Variants in PTPN11 observed in about 807,000 individuals in gnomAD.
PTPN11 encodes the protein protein tyrosine phosphatase non-receptor type 11.
Under a neutral mutation model 78.8 loss-of-function variants are expected in PTPN11, and 6 were observed. That is an observed-to-expected ratio of 0.08 (90% confidence interval 0.04 to 0.15). The LOEUF is 0.15. Among genes scored for constraint, PTPN11 ranks in the 10% least tolerant of loss-of-function variants. The probability of loss-of-function intolerance (pLI) is 1.00; values close to 1 mark genes in which losing one functional copy is unlikely to be tolerated. For synonymous variants in PTPN11, 221 were observed against 263.5 expected, an observed-to-expected ratio of 0.84 and a Z score of 1.56; for missense variants, 386 against 744.8, an observed-to-expected ratio of 0.52 and a Z score of 5.61.
At chr12:112,469,037 C>G (rs924330550) in intron 6 of PTPN11, among the ~76,000 whole-genome samples, 2 of 152,102 alleles carry the variant, frequency 1.3e-5, no homozygotes, top group African/African-American at 4.8e-5. Flanking sequence ...GCATTCCAGC[C>G]TGGGTGAGAG....
At chr12:112,429,808 A>T (rs1313831133) in intron 1 of PTPN11, among the ~76,000 whole-genome samples, 1 of 151,206 alleles carries the variant, frequency 6.6e-6, no homozygotes, top group Non-Finnish European at 1.5e-5. Context: ...GTCTCAAAAA[A>T]AAAAACAACA....
Position 112,509,281 on chromosome 12 carries a change from G to T in PTPN11, c.*3489G>T, listed in dbSNP as rs1245555047. On this transcript the variant is annotated 3_prime_UTR_variant, in exon 16 of 16. Coordinates refer to ENST00000351677, the MANE Select transcript of PTPN11 (RefSeq NM_002834.5). The stretch of plus-strand genomic sequence containing the variant: ...TAAAAATTTGTTCCTTTTTCACTAT[G>T]GGCAGTTCACACAAGGCAAAAACTA... 3 of 152,206 alleles carry T rather than the reference G, an allele frequency of 2.0e-5. No individual in the cohort carries two copies. The highest frequency in any genetic ancestry group is 4.4e-5 in the Non-Finnish European group (3 of 68,030). The allele number at this position is 152,206 out of a possible 1,614,324, so 9.4% of individuals were successfully genotyped here.
At chr12:112,456,792 T>C (rs1225984201) in intron 6 of PTPN11, among the ~76,000 whole-genome samples, 2 of 152,096 alleles carry the variant, frequency 1.3e-5, no homozygotes, top group Non-Finnish European at 2.9e-5. Flanking sequence ...GATGGGGTTT[T>C]GCAGTGTTGC....
chr12:112,450,125 A>G (rs969549337), intron 2 of PTPN11, among the ~76,000 whole-genome samples, 193 bp from the exon 3 acceptor site: 3 of 152,140 alleles, frequency 2.0e-5, no homozygotes, highest in African/African-American at 7.2e-5. Flanking sequence ...AAAGATACTA[A>G]TAAAGACCTT....
At chr12:112,505,637 C>G (rs1347864285) in intron 15 of PTPN11, among the ~76,000 whole-genome samples, 188 bp from the exon 16 acceptor site, 1 of 98,140 alleles carries the variant, frequency 1.0e-5, no homozygotes, top group Admixed American at 1.6e-4. Context: ...ACCTGGGCCA[C>G]AAGAGTGAAA....
chr12:112,436,439 A>T (rs2037791252), intron 1 of PTPN11, among the ~76,000 whole-genome samples: 1 of 152,220 alleles, frequency 6.6e-6, no homozygotes, highest in African/African-American at 2.4e-5. Flanking sequence ...GAGATTAATT[A>T]GCTTGCCCAG....
intron 3 of PTPN11, among the ~76,000 whole-genome samples, chr12:112,452,166 G>A (rs1027449241): frequency 6.6e-6 from 1 of 151,734 alleles, no homozygotes; most frequent in African/African-American, 2.4e-5. Flanking sequence ...GTGAGCCACC[G>A]TGCCTGTCTC....
At chr12:112,486,263 A>G (rs1480045087) in intron 10 of PTPN11, among the ~76,000 whole-genome samples, 7 of 152,226 alleles carry the variant, frequency 4.6e-5, no homozygotes, top group African/African-American at 1.7e-4. Flanking sequence ...TTGCCATGCC[A>G]GACGTCTTGG....
intron 13 of PTPN11, among the ~76,000 whole-genome samples, chr12:112,498,458 T>C (rs1288898020): frequency 8.5e-5 from 13 of 152,200 alleles, no homozygotes. Flanking sequence ...GTGTTTTCAT[T>C]TTACCCTCTC....
intron 1 of PTPN11, among the ~76,000 whole-genome samples, chr12:112,441,686 G>A (rs1274431104): frequency 6.6e-6 from 1 of 152,172 alleles, no homozygotes; most frequent in East Asian, 1.9e-4. Flanking sequence ...GAGCATTTCA[G>A]AGCATTCTAT....
intron 2 of PTPN11, among the ~76,000 whole-genome samples, chr12:112,446,853 C>T (rs1035489546): frequency 1.3e-5 from 2 of 151,862 alleles, no homozygotes; most frequent in African/African-American, 4.8e-5. Context: ...GGATTACAGG[C>T]GTGAGCCACT....
At chr12:112,462,726 A>G (rs1322544861) in intron 6 of PTPN11, among the ~76,000 whole-genome samples, 1 of 152,174 alleles carries the variant, frequency 6.6e-6, no homozygotes, top group South Asian at 2.1e-4. Flanking sequence ...TATCCTGGAC[A>G]TCCTGGATAT....
intron 6 of PTPN11, among the ~76,000 whole-genome samples, chr12:112,462,200 A>AAAAT (rs1163456013): frequency 6.6e-6 from 1 of 152,178 alleles, no homozygotes; most frequent in Non-Finnish European, 1.5e-5. Context: ...TCTACAAAAG[A>AAAAT]AAATTAAAAA....
intron 6 of PTPN11, among the ~76,000 whole-genome samples, chr12:112,461,810 T>G (rs1280191574): frequency 6.6e-6 from 1 of 152,094 alleles, no homozygotes; most frequent in Non-Finnish European, 1.5e-5. Flanking sequence ...AAATCTGTTA[T>G]GGGTTCAATT....
intron 14 of PTPN11, among the ~76,000 whole-genome samples, chr12:112,502,918 T>TAAGG (rs2038893259): frequency 1.3e-5 from 2 of 152,310 alleles, no homozygotes; most frequent in East Asian, 3.9e-4. Flanking sequence ...AATGATGTGT[T>TAAGG]AAGGCTCTTT....
intron 13 of PTPN11, among the ~76,000 whole-genome samples, chr12:112,499,774 A>AC (rs563584227): frequency 2.7e-5 from 4 of 150,696 alleles, no homozygotes; most frequent in East Asian, 2.0e-4. Flanking sequence ...ACATAATGAG[A>AC]CCCCCTCTCT....
At position 112,419,179 on chromosome 12, in the gene PTPN11, C is replaced by A. The variant is rs7973432; in HGVS notation, c.14+54C>A. ...GCCTCGGCCCGGCCACCGCCGCGTTCGGTTAGCCCCGTCCGGAAGGGGGCG... is the reference window on the plus strand; with the variant it reads ...GCCTCGGCCCGGCCACCGCCGCGTTAGGTTAGCCCCGTCCGGAAGGGGGCG... On this transcript the variant is annotated intron_variant, in intron 1 of 15. Transcript: ENST00000351677. 0.019 allele frequency: 26,718 copies of A among 1,439,450 alleles called. 601 individuals are homozygous for A. Among genetic ancestry groups the A allele is most frequent in the African/African-American group, 0.11 (7,600 of 67,510 alleles). The allele number at this position is 1,439,450 out of a possible 1,614,324, so 89.2% of individuals were successfully genotyped here. A position where few individuals can be genotyped will look rare whatever the true frequency, so the allele number is the denominator to read the frequency against.
rs2135862252 is a variant in PTPN11, at chr12:112,450,384, G to A, written c.204G>A (p.Gly68=). ...NTGDYYDLYG[G]EKFATLAELV... ...GTGATTACTATGACCTGTATGGAGG[G>A]GAGAAATTTGCCACTTTGGCTGAGT... Residue 68 remains glycine (G), a synonymous_variant, in exon 3 of 16, where the codon GGG becomes GGA. Transcript: ENST00000351677. The A allele has an allele frequency of 6.2e-7, 1 of 1,613,282 alleles. No individual in the cohort carries two copies.
chr12:112,472,040 A>G (rs1165552771), intron 6 of PTPN11, among the ~76,000 whole-genome samples: 7 of 151,950 alleles, frequency 4.6e-5, no homozygotes, highest in African/African-American at 1.5e-4. Flanking sequence ...ATGTTTTGTC[A>G]TGTTGGCCAG....
Sources: allele counts gnomAD v4.1 joint callset (sites outside exome capture counted in the v4.1 genomes callset), GRCh38; gene constraint gnomAD v4.1.1; transcripts MANE v1.5; gene names NCBI Gene and HGNC (gene_info 2026-07-23, HGNC 2026-07-21).